The following IL4 variants were observed in gnomAD, a reference collection of about 807,000 sequenced individuals.
IL4 encodes the protein interleukin 4, also known as interleukin-4.
In IL4, 10 loss-of-function variants were observed where a neutral mutation model predicts 17.4. The ratio of observed to expected loss-of-function variants is 0.57; its 90% confidence interval spans 0.35 to 0.97. IL4 has a LOEUF of 0.97. Among genes scored for constraint, IL4 ranks in the 50% least tolerant of loss-of-function variants. IL4 has a pLI of 0.01. For missense variants in IL4, 174 were observed against 187.7 expected (o/e 0.93, Z 0.43); for synonymous variants, 87 against 79.0 (o/e 1.10, Z -0.54).
intron 1 of IL4, 80 bp from the exon 2 acceptor site, chr5:132,674,379 G>A (rs569863650): frequency 2.5e-4 from 358 of 1,447,908 alleles, no homozygotes; most frequent in Middle Eastern, 7.0e-4. Context: ...TGGAGGGAGT[G>A]AGAGCTGCTC....
At chr5:132,679,347 G>A (rs560717245) in intron 2 of IL4, among the ~76,000 whole-genome samples, 1 of 152,340 alleles carries the variant, frequency 6.6e-6, no homozygotes, top group Non-Finnish European at 1.5e-5. Flanking sequence ...TAGCTCATGA[G>A]GTATAGAGAC....
In IL4 at chr5:132,680,783, G is replaced by A. The variant is rs911612678; in HGVS notation, c.360+893G>A. On this transcript the variant is annotated intron_variant, in intron 3 of 3. Coordinates refer to ENST00000231449, the MANE Select transcript of IL4 (RefSeq NM_000589.4). This position sits in a 1 kb window ranked among gnomAD's most constrained non-coding sequence, Gnocchi z 4.3. ...AAACCAGGCTAGAGATGATGGTGGCGTGGACAGAATGGGAGCAGTTGAGGT... is the reference window on the plus strand; with the variant it reads ...AAACCAGGCTAGAGATGATGGTGGCATGGACAGAATGGGAGCAGTTGAGGT... Among the ~76,000 whole-genome samples, 2 of 152,138 alleles carry A rather than the reference G, an allele frequency of 1.3e-5. No individual in the cohort carries two copies. The highest frequency in any genetic ancestry group is 2.1e-4 in the South Asian group (1 of 4,824).
At chr5:132,674,287 G>A in intron 1 of IL4, 102 bp downstream of exon 1, 1 of 1,440,122 alleles carries the variant, frequency 6.9e-7, no homozygotes, top group African/African-American at 1.4e-5. Context: ...TGGAACTGGT[G>A]GTTGGTGGCA....
rs1382808081 is a variant in IL4, at chr5:132,674,179, G to A, written c.129G>A (p.Glu43=). The A allele has an allele frequency of 1.5e-5, 24 of 1,614,104 alleles. No individual in the cohort carries two copies. The highest frequency in any genetic ancestry group is 1.9e-5 in the Non-Finnish European group (22 of 1,179,942). The change falls in exon 1 of 4, where the codon GAG becomes GAA. Residue 43 remains glutamate (E), a synonymous_variant. Coordinates refer to ENST00000231449, the MANE Select transcript of IL4 (RefSeq NM_000589.4). ...TCAAAACTTTGAACAGCCTCACAGAGCAGAAGGTGAGTACCTATCTGGCAC... is the reference window on the plus strand; with the variant it reads ...TCAAAACTTTGAACAGCCTCACAGAACAGAAGGTGAGTACCTATCTGGCAC... ...EIIKTLNSLT[E]QKTLCTELTV...
rs201689675 is a variant in IL4 at position 132,674,115 on chromosome 5, T to A, written c.65T>A (p.Val22Asp). 1.2e-6 allele frequency: 2 copies of A among 1,614,194 alleles called. No individual in the cohort carries two copies. Among genetic ancestry groups the A allele is most frequent in the African/African-American group, 2.7e-5 (2 of 75,062 alleles). Reference sequence around the variant, plus strand: ...CTGCTAGCATGTGCCGGCAACTTTGTCCACGGACACAAGTGCGATATCACC... The same window carrying A: ...CTGCTAGCATGTGCCGGCAACTTTGACCACGGACACAAGTGCGATATCACC... Reference protein sequence around the residue: ...FFLLACAGNFVHGHKCDITLQ... With the variant: ...FFLLACAGNFDHGHKCDITLQ... The change falls in exon 1 of 4, where the codon GTC becomes GAC. Residue 22 changes from valine (V) to aspartate (D), a missense_variant. Coordinates refer to ENST00000231449, the MANE Select transcript of IL4 (RefSeq NM_000589.4).
At chr5:132,674,624 T>C (rs1752345578) in intron 2 of IL4, 118 bp downstream of exon 2, 2 of 780,776 alleles carry the variant, frequency 2.6e-6, no homozygotes, top group Admixed American at 2.3e-5. Flanking sequence ...AGGTGTTAGA[T>C]GTTTTCAAAG....
At chr5:132,674,820 C>G (rs1003365798) in intron 2 of IL4, among the ~76,000 whole-genome samples, 1 of 152,172 alleles carries the variant, frequency 6.6e-6, no homozygotes, top group Non-Finnish European at 1.5e-5. Context: ...TCAATAAATG[C>G]CTGTTGAATG....
chr5:132,675,929 A>ATGTGTGTGTG lies in IL4; in HGVS notation c.183+1441_183+1450dup, dbSNP rs2234664. The stretch of plus-strand genomic sequence containing the variant: ...TGTGTATGTATATATGTGTATGTAT[A>ATGTGTGTGTG]TGTGTGTGTGTGTGTGTGTGTGTGT... On this transcript the variant is annotated intron_variant, in intron 2 of 3. Transcript: ENST00000231449. 2.1e-3 allele frequency among the ~76,000 whole-genome samples: 292 copies of ATGTGTGTGTG among 141,056 alleles called. 2 individuals carry two copies. The highest frequency in any genetic ancestry group is 4.5e-3 in the African/African-American group (165 of 36,744). 92.5% of individuals were successfully genotyped at this position (141,056 alleles called of 152,430 possible).
intron 3 of IL4, 23 bp from the exon 4 acceptor site, chr5:132,682,463 C>T (rs1409954280): frequency 1.4e-6 from 2 of 1,388,224 alleles, no homozygotes; most frequent in East Asian, 4.6e-5. Context: ...CCAATGCAAG[C>T]TAATGAAATG....
Position 132,674,516 on chromosome 5 carries a change from C to A in IL4, c.183+10C>A. On this transcript the variant is annotated intron_variant, in intron 2 of 3. Transcript: ENST00000231449. ...CTTTGCTGCCTCCAAGGTAAGAAGC[C>A]GTCCCACGGTCTGTTTTAGCAAATG... The A allele has an allele frequency of 1.2e-6, 2 of 1,611,754 alleles. No individual in the cohort carries two copies. Among genetic ancestry groups the A allele is most frequent in the South Asian group, 2.2e-5 (2 of 91,034 alleles).
intron 2 of IL4, among the ~76,000 whole-genome samples, chr5:132,675,694 G>T (rs571587148): frequency 6.6e-6 from 1 of 152,050 alleles, no homozygotes; most frequent in African/African-American, 2.4e-5. Flanking sequence ...GACGACAGGT[G>T]TGCACCACCA....
At position 132,682,493 on chromosome 5, in the gene IL4, G is replaced by C; in HGVS notation, c.368G>C (p.Cys123Ser). Residue 123 changes from cysteine (C) to serine (S), a missense_variant, in exon 4 of 4, where the codon TGT (cysteine) becomes TCT (serine). By Grantham distance (112) the Cys-to-Ser change is moderately radical. Transcript: ENST00000231449. ...NLWGLAGLNS[C>S]PVKEANQSTL... The stretch of plus-strand genomic sequence containing the variant: ...GAAATGTTTCTTTTGCAGAATTCCT[G>C]TCCTGTGAAGGAAGCCAACCAGAGT... The C allele has an allele frequency of 6.3e-7, 1 of 1,593,320 alleles. No homozygotes were observed. Among genetic ancestry groups the C allele is most frequent in the East Asian group, 2.2e-5 (1 of 44,762 alleles).
Position 132,679,805 on chromosome 5 carries a change from C to T in IL4, c.275C>T (p.Ala92Val), listed in dbSNP as rs779912651. 16 of 1,613,810 alleles carry T rather than the reference C, an allele frequency of 9.9e-6. No homozygotes were observed. The highest frequency in any genetic ancestry group is 3.3e-4 in the Middle Eastern group (2 of 6,084). Residue 92 changes from alanine to valine, a missense_variant, in exon 3 of 4, where the codon GCG (alanine) becomes GTG (valine). By Grantham distance (64) the Ala-to-Val change is moderately conservative. Coordinates refer to ENST00000231449, the MANE Select transcript of IL4 (RefSeq NM_000589.4). ...HHEKDTRCLG[A>V]TAQQFHRHKQ... The stretch of plus-strand genomic sequence containing the variant: ...GAGAAGGACACTCGCTGCCTGGGTG[C>T]GACTGCACAGCAGTTCCACAGGCAC...
Position 132,674,169 on chromosome 5 carries a change from G to A in IL4, c.119G>A (p.Ser40Asn). 6.2e-7 allele frequency: 1 copy of A among 1,614,136 alleles called. No homozygotes were observed. Among genetic ancestry groups the A allele is most frequent in the Non-Finnish European group, 8.5e-7 (1 of 1,180,004 alleles). ...TLQEIIKTLNSLTEQKTLCTE... is the reference protein window; with the variant it reads ...TLQEIIKTLNNLTEQKTLCTE... ...CAGGAGATCATCAAAACTTTGAACA[G>A]CCTCACAGAGCAGAAGGTGAGTACC... Residue 40 changes from serine to asparagine, a missense_variant, in exon 1 of 4, where the codon AGC becomes AAC. Ser to Asn is a conservative substitution (Grantham distance 46). Transcript: ENST00000231449.
chr5:132,682,367 C>T (rs754191781), intron 3 of IL4, 119 bp from the exon 4 acceptor site: 24 of 633,918 alleles, frequency 3.8e-5, no homozygotes, highest in Non-Finnish European at 6.2e-5. Context: ...TCAGGCTAGA[C>T]TGGAGGCCTT....
intron 2 of IL4, among the ~76,000 whole-genome samples, chr5:132,678,097 G>A (rs2243266): frequency 0.26 from 39,167 of 152,110 alleles, 6,592 homozygotes; most frequent in East Asian, 0.77. Context: ...CTGAAAAAAC[G>A]TTAAAATATG....
At chr5:132,674,376 A>G (rs1030173433) in intron 1 of IL4, 83 bp from the exon 2 acceptor site, 2 of 1,426,364 alleles carry the variant, frequency 1.4e-6, no homozygotes, top group African/African-American at 2.8e-5. Context: ...AGTTGGAGGG[A>G]GTGAGAGCTG....
At chr5:132,675,849 A>ATGTGTGTGTGTGTGTGTGTGTGTG (rs58175446) in intron 2 of IL4, among the ~76,000 whole-genome samples, 1 of 144,924 alleles carries the variant, frequency 6.9e-6, no homozygotes, top group Non-Finnish European at 1.5e-5. Context: ...GCAACAGTTT[A>ATGTGTGTGTGTGTGTGTGTGTGTG]TGTGTGTGTG....
intron 3 of IL4, among the ~76,000 whole-genome samples, chr5:132,681,832 G>A (rs1362214816): frequency 6.6e-6 from 1 of 152,148 alleles, no homozygotes; most frequent in African/African-American, 2.4e-5. Flanking sequence ...CATGGGATAG[G>A]AACTTGGCAC....
Sources: allele counts gnomAD v4.1 joint callset (sites outside exome capture counted in the v4.1 genomes callset), GRCh38; gene constraint gnomAD v4.1.1; non-coding constraint Gnocchi (gnomAD v3.1); transcripts MANE v1.5; gene names NCBI Gene and HGNC (gene_info 2026-07-23, HGNC 2026-07-21).